DYNC2H1: variants seen among roughly 807,000 people sequenced by gnomAD.
DYNC2H1 encodes cytoplasmic dynein 2 heavy chain 1.
A neutral mutation model predicts 570.0 loss-of-function variants in DYNC2H1; 410 were observed. That is an observed-to-expected ratio of 0.72 (90% confidence interval 0.66 to 0.78). The LOEUF (loss-of-function observed/expected upper bound fraction) is 0.78. Among genes scored for constraint, DYNC2H1 ranks in the 30% least tolerant of loss-of-function variants. The pLI is 0.00. For missense variants in DYNC2H1, 4,865 were observed against 5,046.4 expected, an observed-to-expected ratio of 0.96 and a Z score of 1.09; for synonymous variants, 1,688 against 1,677.6, an observed-to-expected ratio of 1.01 and a Z score of -0.15.
chr11:103,267,311 G>A (rs997541620), intron 70 of DYNC2H1, among the ~76,000 whole-genome samples: 1 of 150,198 alleles, frequency 6.7e-6, no homozygotes, highest in African/African-American at 2.5e-5. Flanking sequence ...GTTAGGGCCC[G>A]CCAGTCTTCT....
intron 85 of DYNC2H1, among the ~76,000 whole-genome samples, chr11:103,450,205 T>C (rs1322512010): frequency 6.6e-6 from 1 of 152,000 alleles, no homozygotes; most frequent in Non-Finnish European, 1.5e-5. Context: ...TGAAAATAAA[T>C]GAAGCAAAAC....
chr11:103,417,659 A>AC (rs61434768), intron 84 of DYNC2H1, among the ~76,000 whole-genome samples: 76,169 of 151,582 alleles, frequency 0.5, 19,361 homozygotes, highest in African/African-American at 0.59. Flanking sequence ...CAGGCAGATC[A>AC]GAGGTCAGGA....
Position 103,122,828 on chromosome 11 carries a change from G to A in DYNC2H1, c.1489G>A (p.Asp497Asn), listed in dbSNP as rs775811738. The stretch of plus-strand genomic sequence containing the variant: ...GTCTGTAATTTGGCTTTTTAAGGTA[G>A]ATGATACTATCAAGATTGCAGAGGC... ...VWVRQLELKV[D>N]DTIKIAEALL... Residue 497 changes from aspartate (D) to asparagine (N), a missense_variant, in exon 11 of 89, where the codon GAT becomes AAT. Physicochemically the swap from Asp to Asn is conservative, Grantham distance 23. This residue lies in a region of DYNC2H1 where 1,936 missense variants were observed against 1,962.1 expected (regional missense o/e 0.99). Coordinates refer to ENST00000375735, the MANE Select transcript of DYNC2H1 (RefSeq NM_001377.3). 39 of 1,611,728 alleles carry A rather than the reference G, an allele frequency of 2.4e-5. No individual in the cohort carries two copies. The African/African-American group carries it at 4.3e-4, about 18-fold the overall frequency.
At position 103,157,957 on chromosome 11, in the gene DYNC2H1, T is replaced by A. The variant is rs956011793; in HGVS notation, c.4128-720T>A. Among the ~76,000 whole-genome samples the A allele has an allele frequency of 6.6e-6, 1 of 152,218 alleles. No homozygotes were observed. Among genetic ancestry groups the A allele is most frequent in the Admixed American group, 6.5e-5 (1 of 15,280 alleles). On this transcript the variant is annotated intron_variant, in intron 26 of 88. Transcript: ENST00000375735. The surrounding 1 kb of genome is among the most constrained non-coding windows in gnomAD (Gnocchi z 4.2). ...GTCTTCTACTCACTCACTTTTTCAT[T>A]TTATTCTTCATCTGCATATCAATTT...
chr11:103,115,632 T>G (rs1858348306), intron 4 of DYNC2H1, among the ~76,000 whole-genome samples: 1 of 152,098 alleles, frequency 6.6e-6, no homozygotes, highest in African/African-American at 2.4e-5. Context: ...ACCTCGTCTC[T>G]ACTAAAAGTA....
At chr11:103,316,664 T>G (rs1177678923) in intron 80 of DYNC2H1, 44 bp downstream of exon 80, 1 of 1,351,502 alleles carries the variant, frequency 7.4e-7, no homozygotes. Flanking sequence ...ATAAAATATT[T>G]TATCTGAGGT....
chr11:103,149,561 G>A (rs192082669), intron 20 of DYNC2H1, among the ~76,000 whole-genome samples: 1 of 152,210 alleles, frequency 6.6e-6, no homozygotes, highest in African/African-American at 2.4e-5. Context: ...TAGACTTAAA[G>A]GTATTAAAGA....
chr11:103,250,660 T>C (rs924480807), intron 65 of DYNC2H1, among the ~76,000 whole-genome samples: 2 of 152,144 alleles, frequency 1.3e-5, no homozygotes, highest in African/African-American at 4.8e-5. Flanking sequence ...TGGTCTTTTC[T>C]AGATTTTTGA....
At chr11:103,255,103 A>G (rs1864999064) in intron 66 of DYNC2H1, among the ~76,000 whole-genome samples, 1 of 152,054 alleles carries the variant, frequency 6.6e-6, no homozygotes, top group South Asian at 2.1e-4. Context: ...ACTTACTATT[A>G]AAAAAATAGT....
At chr11:103,148,648 T>C in intron 20 of DYNC2H1, 31 bp downstream of exon 20, 1 of 1,536,298 alleles carries the variant, frequency 6.5e-7, no homozygotes, top group Non-Finnish European at 8.8e-7. Flanking sequence ...TTATTATTAT[T>C]ACTTTTTACT....
intron 83 of DYNC2H1, among the ~76,000 whole-genome samples, chr11:103,398,454 T>A (rs1372973333): frequency 6.6e-6 from 1 of 152,186 alleles, no homozygotes; most frequent in Non-Finnish European, 1.5e-5. Flanking sequence ...CTAATAAAAT[T>A]TACTTAATGT....
At chr11:103,410,878 A>G (rs111401905) in intron 84 of DYNC2H1, among the ~76,000 whole-genome samples, 15 of 152,182 alleles carry the variant, frequency 9.9e-5, no homozygotes. Flanking sequence ...TTAAACGTTC[A>G]TTTATTACTA....
At position 103,446,644 on chromosome 11, in the gene DYNC2H1, A is replaced by G. The variant is rs1431003942; in HGVS notation, c.12457-8542A>G. ...GATGAATAGAGTGAGACTGACAGGG[A>G]GAAGAGCCAAAGGAATTTTTTTGGT... On this transcript the variant is annotated intron_variant, in intron 85 of 88. Coordinates refer to ENST00000375735, the MANE Select transcript of DYNC2H1 (RefSeq NM_001377.3). This position sits in a 1 kb window ranked among gnomAD's most constrained non-coding sequence, Gnocchi z 4.5. Among the ~76,000 whole-genome samples, 2 of 152,266 alleles carry G rather than the reference A, an allele frequency of 1.3e-5. No homozygotes were observed. Among genetic ancestry groups the G allele is most frequent in the Middle Eastern group, 3.4e-3 (1 of 294 alleles).
chr11:103,273,759 C>T (rs894152148), intron 70 of DYNC2H1, among the ~76,000 whole-genome samples: 9 of 152,074 alleles, frequency 5.9e-5, no homozygotes, highest in African/African-American at 2.2e-4. Context: ...GTTGGCCTGT[C>T]TGAGGTCACA....
chr11:103,425,806 AAAG>A (rs1471978391), intron 84 of DYNC2H1, among the ~76,000 whole-genome samples: 5 of 151,782 alleles, frequency 3.3e-5, no homozygotes, highest in African/African-American at 4.8e-5. Context: ...ATAACAAAAA[AAAG>A]AAGGTTAAAA....
rs549586339 is a variant in DYNC2H1, at chr11:103,392,142, C to T, written c.12157-7521C>T. Among the ~76,000 whole-genome samples, 26 of 152,348 alleles carry T rather than the reference C, an allele frequency of 1.7e-4. No individual in the cohort carries two copies. The Middle Eastern group carries it at 0.017, about 100-fold the overall frequency. On this transcript the variant is annotated intron_variant, in intron 83 of 88. Coordinates refer to ENST00000375735, the MANE Select transcript of DYNC2H1 (RefSeq NM_001377.3). ...GCAGCCCTCCTTGAGCTGCGGTGGA[C>T]TCCACCCAGTTCGAGCTTCCCGGCC...
intron 52 of DYNC2H1, among the ~76,000 whole-genome samples, chr11:103,207,447 G>C (rs776449366): frequency 9.9e-5 from 15 of 152,032 alleles, no homozygotes; most frequent in Admixed American, 1.3e-4. Flanking sequence ...TGTGATAACA[G>C]GAAAGAAAGC....
chr11:103,324,126 A>T lies in DYNC2H1; in HGVS notation c.12039+136A>T. ...TATTTTCACAACACATTCCAGTTTT[A>T]CTTTAAATATATTTTTTAAAATATT... On this transcript the variant is annotated intron_variant, in intron 82 of 88. Transcript: ENST00000375735. The surrounding 1 kb of genome is among the most constrained non-coding windows in gnomAD (Gnocchi z 5.2). 2.4e-6 allele frequency: 1 copy of T among 424,142 alleles called. No individual in the cohort carries two copies. Among genetic ancestry groups the T allele is most frequent in the Non-Finnish European group, 3.9e-6 (1 of 254,116 alleles). 26.3% of individuals were successfully genotyped at this position (424,142 alleles called of 1,614,324 possible).
chr11:103,310,178 C>A (rs1028101188), intron 78 of DYNC2H1, among the ~76,000 whole-genome samples: 1 of 151,892 alleles, frequency 6.6e-6, no homozygotes, highest in African/African-American at 2.4e-5. Flanking sequence ...TGTTGCTATA[C>A]TTATGAATTT....
Sources: gnomAD v4.1 joint callset for allele counts (sites outside exome capture counted in the v4.1 genomes callset) on GRCh38, gnomAD v4.1.1 for gene constraint, gnomAD v4.1.1 regional missense constraint, Gnocchi (gnomAD v3.1) non-coding constraint, MANE v1.5 for transcripts, NCBI Gene and HGNC (gene_info 2026-07-23, HGNC 2026-07-21) for gene names.